EFCAB6: variants seen among roughly 807,000 people sequenced by gnomAD.
EFCAB6 encodes the protein EF-hand calcium binding domain 6.
In EFCAB6, 156 loss-of-function variants were observed where a neutral mutation model predicts 169.8. The ratio of observed to expected loss-of-function variants is 0.92; its 90% CI spans 0.81 to 1.05. The LOEUF is 1.05. Ranked by LOEUF, EFCAB6 falls within the 50% of genes least tolerant of loss-of-function variation. EFCAB6 has a pLI of 0.00. For synonymous variants in EFCAB6, 698 were observed against 676.4 expected (o/e 1.03, Z -0.50); for missense variants, 1,800 against 1,829.1 (o/e 0.98, Z 0.29).
chr22:43,760,895 T>C (rs1324811634), intron 5 of EFCAB6, among the ~76,000 whole-genome samples: 1 of 152,180 alleles, frequency 6.6e-6, no homozygotes, highest in Non-Finnish European at 1.5e-5. Flanking sequence ...ACTCCTAACC[T>C]CAAGTGATCC....
chr22:43,798,058 C>A (rs1438282779), intron 2 of EFCAB6, among the ~76,000 whole-genome samples: 1 of 152,158 alleles, frequency 6.6e-6, no homozygotes, highest in Admixed American at 6.5e-5. Context: ...CTCCAGATTC[C>A]CATTCCAGTC....
At chr22:43,559,808 A>G (rs761545179) in intron 26 of EFCAB6, among the ~76,000 whole-genome samples, 14 of 152,180 alleles carry the variant, frequency 9.2e-5, no homozygotes, top group Non-Finnish European at 1.9e-4. Context: ...TGGGAGTTGA[A>G]CAATGAGGAC....
rs1230189595 is a variant in EFCAB6 at position 43,677,997 on chromosome 22, C to T, written c.1418G>A (p.Arg473Lys). The change falls in exon 13 of 32, where the codon AGG becomes AAG. Residue 473 changes from arginine (R) to lysine (K), a missense_variant and splice_region_variant. Coordinates refer to ENST00000262726, the MANE Select transcript of EFCAB6 (RefSeq NM_022785.4). The stretch of plus-strand genomic sequence containing the variant: ...ACAGGAAGTTGTTACAAAACTCACC[C>T]TACAGTTCTCTTCAATCAGATCAAT... ...MFIDLIEENCRMRKTSPCTDA... is the reference protein window; with the variant it reads ...MFIDLIEENCKMRKTSPCTDA... The T allele has an allele frequency of 4.3e-6, 7 of 1,611,450 alleles. No homozygotes were observed. The highest frequency in any genetic ancestry group is 1.3e-5 in the African/African-American group (1 of 74,782).
At chr22:43,671,295 G>A (rs887450293) in intron 15 of EFCAB6, among the ~76,000 whole-genome samples, 1 of 152,060 alleles carries the variant, frequency 6.6e-6, no homozygotes, top group Admixed American at 6.6e-5. Context: ...TCCGCCTCCC[G>A]GGTTCAAGTG....
intron 27 of EFCAB6, among the ~76,000 whole-genome samples, chr22:43,550,271 G>C (rs1343916004): frequency 6.6e-6 from 1 of 152,190 alleles, no homozygotes; most frequent in Non-Finnish European, 1.5e-5. Flanking sequence ...AGCTGGATGA[G>C]AGCAGAAGCA....
At position 43,561,226 on chromosome 22, in the gene EFCAB6, G is replaced by A. The variant is rs570117712; in HGVS notation, c.3421-6130C>T. ...ACAAAAATTAGCCAGGCGTGGTGGCGGGAGCCTGTAGTCCCAGCTACTCAG... is the reference window on the plus strand; with the variant it reads ...ACAAAAATTAGCCAGGCGTGGTGGCAGGAGCCTGTAGTCCCAGCTACTCAG... On this transcript the variant is annotated intron_variant, in intron 26 of 31. Coordinates refer to ENST00000262726, the MANE Select transcript of EFCAB6 (RefSeq NM_022785.4). 5.9e-5 allele frequency among the ~76,000 whole-genome samples: 9 copies of A among 152,004 alleles called. No individual in the cohort carries two copies. The East Asian group carries it at 7.8e-4, about 13-fold the overall frequency.
intron 25 of EFCAB6, among the ~76,000 whole-genome samples, chr22:43,577,174 A>G (rs1012448390): frequency 1.3e-5 from 2 of 152,224 alleles, no homozygotes; most frequent in African/African-American, 4.8e-5. Context: ...AGTTAAACTG[A>G]AAAAGTGCAA....
chr22:43,796,829 G>A (rs978962762), intron 2 of EFCAB6, among the ~76,000 whole-genome samples: 1 of 152,190 alleles, frequency 6.6e-6, no homozygotes, highest in African/African-American at 2.4e-5. Flanking sequence ...TGCTGCTGCT[G>A]CCACCTATTG....
At chr22:43,731,367 G>T (rs1291742831) in intron 8 of EFCAB6, among the ~76,000 whole-genome samples, 1 of 152,058 alleles carries the variant, frequency 6.6e-6, no homozygotes, top group Non-Finnish European at 1.5e-5. Flanking sequence ...TCACAGCCAG[G>T]GGCATCTCAC....
At chr22:43,566,997 C>G (rs948491888) in intron 26 of EFCAB6, among the ~76,000 whole-genome samples, 2 of 152,110 alleles carry the variant, frequency 1.3e-5, no homozygotes, top group African/African-American at 2.4e-5. Context: ...CAGGAAGCCC[C>G]GTCTCCTGGT....
chr22:43,634,075 C>T (rs984022288), intron 18 of EFCAB6, among the ~76,000 whole-genome samples: 4 of 152,116 alleles, frequency 2.6e-5, no homozygotes, highest in East Asian at 1.9e-4. Flanking sequence ...GTGACAGAGA[C>T]GGAGTCCAGT....
At position 43,554,859 on chromosome 22, in the gene EFCAB6, C is replaced by A; in HGVS notation, c.3648+10G>T. 6 of 1,613,334 alleles carry A rather than the reference C, an allele frequency of 3.7e-6. No homozygotes were observed. Among genetic ancestry groups the A allele is most frequent in the Non-Finnish European group, 5.1e-6 (6 of 1,179,286 alleles). On this transcript the variant is annotated intron_variant, in intron 27 of 31. Transcript: ENST00000262726. ...GGTGTGCAGGGTGAGGACTGACTGG[C>A]GTTTCTTACCTGTTCGTCCGTCAGG...
chr22:43,572,754 CAT>C lies in EFCAB6; in HGVS notation c.3420+3541_3420+3542del, dbSNP rs1184490726. Among the ~76,000 whole-genome samples, 1 of 152,234 alleles carries C rather than the reference CAT, an allele frequency of 6.6e-6. No individual in the cohort carries two copies. Among genetic ancestry groups the C allele is most frequent in the East Asian group, 1.9e-4 (1 of 5,202 alleles). Reference sequence around the variant, plus strand: ...TCTCCCAGCTGCTGCTGGAACCTGACATGTGACGGAGTCACTCACTCCTGCTC... The same window carrying C: ...TCTCCCAGCTGCTGCTGGAACCTGACGTGACGGAGTCACTCACTCCTGCTC... On this transcript the variant is annotated intron_variant, in intron 26 of 31. Transcript: ENST00000262726. The surrounding 1 kb of genome is among the most constrained non-coding windows in gnomAD (Gnocchi z 4.0).
chr22:43,683,677 G>T, intron 12 of EFCAB6, 70 bp downstream of exon 12: 2 of 1,111,646 alleles, frequency 1.8e-6, no homozygotes, highest in Non-Finnish European at 2.8e-6. Flanking sequence ...GTTGTTATTG[G>T]TCTTGTTCTG....
intron 4 of EFCAB6, among the ~76,000 whole-genome samples, 192 bp downstream of exon 4, chr22:43,772,700 A>G (rs2061511855): frequency 6.6e-6 from 1 of 152,128 alleles, no homozygotes; most frequent in South Asian, 2.1e-4. Context: ...GCAGCGCTAC[A>G]TGCAAAATAT....
chr22:43,536,360 C>T (rs963903918), intron 29 of EFCAB6: 20 of 152,170 alleles, frequency 1.3e-4, no homozygotes, highest in Admixed American at 1.1e-3. Context: ...GAGTTTACAC[C>T]TGGTTTCATT....
chr22:43,763,721 T>G (rs949419712), intron 5 of EFCAB6, among the ~76,000 whole-genome samples: 10 of 152,168 alleles, frequency 6.6e-5, no homozygotes, highest in African/African-American at 2.2e-4. Flanking sequence ...CTTTTGTGGG[T>G]TTTTTTTCAA....
chr22:43,706,548 T>A (rs1326158853), intron 10 of EFCAB6, among the ~76,000 whole-genome samples: 1 of 152,236 alleles, frequency 6.6e-6, no homozygotes, highest in Non-Finnish European at 1.5e-5. Context: ...GTGCCTGGTA[T>A]ATAATAAGTG....
At chr22:43,546,800 G>A (rs2048082463) in intron 27 of EFCAB6, among the ~76,000 whole-genome samples, 1 of 151,776 alleles carries the variant, frequency 6.6e-6, no homozygotes, top group South Asian at 2.1e-4. Flanking sequence ...TTGAACCCAG[G>A]AGGCGGAGGT....
Sources: allele counts gnomAD v4.1 joint callset (sites outside exome capture counted in the v4.1 genomes callset), GRCh38; gene constraint gnomAD v4.1.1; non-coding constraint Gnocchi (gnomAD v3.1); transcripts MANE v1.5; gene names NCBI Gene and HGNC (gene_info 2026-07-23, HGNC 2026-07-21).